TJP2: variants seen among roughly 807,000 people sequenced by gnomAD.
The protein encoded by TJP2 is Friedreich ataxia region gene X104 (tight junction protein ZO-2).
Under a neutral mutation model 133.1 loss-of-function variants are expected in TJP2, and 91 were observed. That is an observed-to-expected ratio of 0.68 (90% CI 0.58 to 0.81). TJP2 has a LOEUF of 0.81. Among genes scored for constraint, TJP2 ranks in the 40% least tolerant of loss-of-function variants. The pLI is 0.00. For missense variants in TJP2, 1,541 were observed against 1,565.6 expected, an observed-to-expected ratio of 0.98 and a Z score of 0.26; for synonymous variants, 592 against 583.4, an observed-to-expected ratio of 1.01 and a Z score of -0.21.
At chr9:69,210,867 A>T (rs1827852723) in intron 1 of TJP2, among the ~76,000 whole-genome samples, 1 of 151,110 alleles carries the variant, frequency 6.6e-6, no homozygotes, top group African/African-American at 2.4e-5. Flanking sequence ...AGCTGGGACT[A>T]TGGCATGTGC....
intron 1 of TJP2, among the ~76,000 whole-genome samples, chr9:69,135,504 G>A (rs1397053082): frequency 6.6e-6 from 1 of 152,078 alleles, no homozygotes; most frequent in Non-Finnish European, 1.5e-5. Flanking sequence ...ACAGTGACAC[G>A]ATCTCAGCTC....
intron 2 of TJP2, among the ~76,000 whole-genome samples, chr9:69,157,315 G>GGT (rs1395346423): frequency 1.3e-5 from 2 of 152,140 alleles, no homozygotes; most frequent in Non-Finnish European, 2.9e-5. Flanking sequence ...CATCCCATGA[G>GGT]GTGGAGGTCC....
intron 1 of TJP2, among the ~76,000 whole-genome samples, chr9:69,148,247 A>AC (rs1476317005): frequency 3.2e-4 from 27 of 83,330 alleles, no homozygotes; most frequent in Non-Finnish European, 5.0e-4. Context: ...ATTTTTTTTA[A>AC]TTTTTTTTTT....
At position 69,216,462 on chromosome 9, in the gene TJP2, CA is replaced by C; in HGVS notation, c.239del (p.Glu81LysfsTer62). 1 of 1,614,070 alleles carries C rather than the reference CA, an allele frequency of 6.2e-7. No homozygotes were observed. Among genetic ancestry groups the C allele is most frequent in the Non-Finnish European group, 8.5e-7 (1 of 1,180,020 alleles). On this transcript the variant is annotated frameshift_variant and splice_region_variant, in exon 3 of 23. Transcript: ENST00000377245. LOFTEE classifies it high-confidence loss of function. Reference sequence around the variant, plus strand: ...GGGTGGGCCTGCTGATGGGCTGCTCCAGTGAGTGTCCTCCCTCGCTCCGCAG... The same window carrying C: ...GGGTGGGCCTGCTGATGGGCTGCTCCGTGAGTGTCCTCCCTCGCTCCGCAG... ...LPGGPADGLL[Q>X]ENDRVVMVNG...
chr9:69,239,954 G>A lies in TJP2; in HGVS notation c.2373G>A (p.Leu791=). ...GTAAACAGGATAAGCATGCACTACT[G>A]GATGTGACTCCGAAAGCTGTGGACC... ...QIIEQDKHAL[L]DVTPKAVDLL... is the part of the protein sequence containing the mutation. The change falls in exon 17 of 23, where the codon CTG becomes CTA. Residue 791 remains leucine, a synonymous_variant. Coordinates refer to ENST00000377245, the MANE Select transcript of TJP2 (RefSeq NM_004817.4). 1.9e-6 allele frequency: 3 copies of A among 1,614,106 alleles called. No individual in the cohort carries two copies. Among genetic ancestry groups the A allele is most frequent in the South Asian group, 1.1e-5 (1 of 91,080 alleles).
chr9:69,215,711 C>G lies in TJP2; in HGVS notation c.115-628C>G, dbSNP rs1436131359. ...GAAGGTTTTTTTTTTTTTAATATGT[C>G]AAAACATCACAATATACAGAAGAAT... On this transcript the variant is annotated intron_variant, in intron 2 of 22. Transcript: ENST00000377245. Among the ~76,000 whole-genome samples, 4 of 148,788 alleles carry G rather than the reference C, an allele frequency of 2.7e-5. No homozygotes were observed. In the Admixed American group the frequency reaches 2.7e-4, roughly 10 times the overall value.
At position 69,221,503 on chromosome 9, in the gene TJP2, A is replaced by G. The variant is rs745674923; in HGVS notation, c.952+7A>G. The G allele has an allele frequency of 1.9e-6, 3 of 1,601,764 alleles. No individual in the cohort carries two copies. The highest frequency in any genetic ancestry group is 3.4e-5 in the Admixed American group (2 of 58,520). On this transcript the variant is annotated splice_region_variant and intron_variant, in intron 5 of 22. Coordinates refer to ENST00000377245, the MANE Select transcript of TJP2 (RefSeq NM_004817.4). ...AAAAGCAGAGCGAACGAAGGTAGGC[A>G]TGCTTGATGTGGGAAGAAAAGCACT...
In TJP2 at chr9:69,251,122, A is replaced by G; in HGVS notation, c.3079A>G (p.Thr1027Ala). Residue 1027 changes from threonine (T) to alanine (A), a missense_variant, in exon 21 of 23, where the codon ACT (threonine) becomes GCT (alanine). Transcript: ENST00000377245. ...CCCCTCTGCCGTTGCTGGTAATGAA[A>G]CTCCTGGGGCATCTACCAAAGGTTA... ...SNPSAVAGNE[T>A]PGASTKGYPP... is the part of the protein sequence containing the mutation. 2 of 1,613,562 alleles carry G rather than the reference A, an allele frequency of 1.2e-6. No individual in the cohort carries two copies. Among genetic ancestry groups the G allele is most frequent in the Non-Finnish European group, 1.7e-6 (2 of 1,179,882 alleles).
At chr9:69,204,015 G>T (rs1827204158) in intron 1 of TJP2, among the ~76,000 whole-genome samples, 1 of 152,160 alleles carries the variant, frequency 6.6e-6, no homozygotes, top group Admixed American at 6.5e-5. Flanking sequence ...ATTTCCCAGT[G>T]CCTGTCCAGC....
intron 1 of TJP2, among the ~76,000 whole-genome samples, chr9:69,187,651 G>A (rs1453059116): frequency 2.6e-5 from 4 of 152,310 alleles, no homozygotes; most frequent in Middle Eastern, 3.4e-3. Context: ...TCAGAAGATC[G>A]GTGTGTTTTC....
At chr9:69,161,681 T>G (rs959160517) in intron 2 of TJP2, among the ~76,000 whole-genome samples, 6 of 151,676 alleles carry the variant, frequency 4.0e-5, no homozygotes, top group Non-Finnish European at 7.4e-5. Context: ...TTAATATTTA[T>G]GAAGTGTCTA....
intron 11 of TJP2, among the ~76,000 whole-genome samples, chr9:69,233,011 T>C (rs1363174918): frequency 6.6e-6 from 1 of 152,184 alleles, no homozygotes; most frequent in Middle Eastern, 3.2e-3. Context: ...TACAAGCATG[T>C]ATAGTACATG....
intron 4 of TJP2, among the ~76,000 whole-genome samples, chr9:69,220,386 A>G (rs1004898575): frequency 7.9e-5 from 12 of 152,304 alleles, no homozygotes; most frequent in African/African-American, 2.6e-4. Flanking sequence ...TATGGTAGAA[A>G]CGTTCAGATT....
intron 11 of TJP2, 41 bp from the exon 12 acceptor site, chr9:69,234,398 C>CTTTCTTTTTTTTTTTTTTTTTTTTT: frequency 2.0e-6 from 2 of 982,288 alleles, no homozygotes; most frequent in South Asian, 1.6e-5. Flanking sequence ...TTCTTTCTTT[C>CTTTCTTTTTTTTTTTTTTTTTTTTT]TTTTTTTTTT....
chr9:69,239,857 C>T (rs1313245889), intron 16 of TJP2, 80 bp from the exon 17 acceptor site: 1 of 1,128,826 alleles, frequency 8.9e-7, no homozygotes, highest in South Asian at 1.3e-5. Context: ...CTCATACAGC[C>T]TTTACTTATT....
chr9:69,133,935 A>G (rs1376806014), intron 1 of TJP2, among the ~76,000 whole-genome samples: 1 of 152,042 alleles, frequency 6.6e-6, no homozygotes, highest in Admixed American at 6.6e-5. Context: ...ATGTACTCCT[A>G]TTATTAAGAC....
chr9:69,183,595 G>T (rs560907571), intron 1 of TJP2, among the ~76,000 whole-genome samples: 7 of 152,116 alleles, frequency 4.6e-5, no homozygotes, highest in African/African-American at 1.7e-4. Flanking sequence ...AGGTATTTGG[G>T]TTATTTTCAG....
intron 1 of TJP2, among the ~76,000 whole-genome samples, chr9:69,197,084 T>C (rs1422372623): frequency 1.3e-5 from 2 of 151,966 alleles, no homozygotes; most frequent in African/African-American, 4.8e-5. Flanking sequence ...TTATCCTGCT[T>C]CACCCTCCCC....
chr9:69,124,253 C>G lies in TJP2; in HGVS notation c.-131+2528C>G, dbSNP rs546429189. Among the ~76,000 whole-genome samples the G allele has an allele frequency of 7.9e-5, 6 of 76,184 alleles. 3 individuals are homozygous for G. Among genetic ancestry groups the G allele is most frequent in the Non-Finnish European group, 1.8e-4 (6 of 33,222 alleles). The allele number at this position is 76,184 out of a possible 152,430, so 50.0% of individuals were successfully genotyped here. ...GCAGTGGTGTAATCTTGGTTCACTGCAGCTTCAACCTCTCAGGCTCAAGTG... is the reference window on the plus strand; with the variant it reads ...GCAGTGGTGTAATCTTGGTTCACTGGAGCTTCAACCTCTCAGGCTCAAGTG... On this transcript the variant is annotated intron_variant, in intron 1 of 5. Coordinates refer to the TJP2 transcript ENST00000423935.
Sources: allele counts gnomAD v4.1 joint callset (sites outside exome capture counted in the v4.1 genomes callset), GRCh38; gene constraint gnomAD v4.1.1; transcripts MANE v1.5; gene names NCBI Gene and HGNC (gene_info 2026-07-23, HGNC 2026-07-21).